The following NAV3 variants were observed in gnomAD, a reference collection of about 807,000 sequenced individuals.
The protein encoded by NAV3 is neuron navigator 3.
A neutral mutation model predicts 244.7 loss-of-function variants in NAV3; 87 were observed. That is an observed-to-expected ratio of 0.36 (90% CI 0.30 to 0.42). The LOEUF is 0.42. NAV3 is among the 20% of genes least tolerant of loss of function. The pLI, the probability that NAV3 is intolerant of heterozygous loss-of-function variation, is 1.00. For missense variants in NAV3, 2,663 were observed against 2,893.3 expected (o/e 0.92, Z 1.83); for synonymous variants, 1,126 against 1,042.2 (o/e 1.08, Z -1.55).
chr12:78,092,538 C>T (rs1010283730), intron 12 of NAV3, among the ~76,000 whole-genome samples: 1 of 114,662 alleles, frequency 8.7e-6, no homozygotes, highest in Non-Finnish European at 1.6e-5. Flanking sequence ...CTCGCTCTGT[C>T]GCCCAGGCTG....
chr12:77,863,174 A>G (rs969968697), intron 1 of NAV3, among the ~76,000 whole-genome samples: 5 of 151,894 alleles, frequency 3.3e-5, no homozygotes, highest in African/African-American at 1.2e-4. Context: ...CCAACTGTCC[A>G]AATATTACAG....
chr12:77,809,231 T>C (rs1300826668), intron 2 of NAV3, among the ~76,000 whole-genome samples: 3 of 152,134 alleles, frequency 2.0e-5, no homozygotes, highest in Non-Finnish European at 4.4e-5. Flanking sequence ...GAAAAAGAAA[T>C]TGCAGCTAGC....
At chr12:77,827,157 C>A (rs1282109294), upstream of NAV3, among the ~76,000 whole-genome samples, 1 of 148,432 alleles carries the variant, frequency 6.7e-6, no homozygotes, top group African/African-American at 2.5e-5. Context: ...CGCTTGAACC[C>A]GGGAGGCAGA....
At chr12:78,063,377 A>G (rs17223009) in intron 12 of NAV3, among the ~76,000 whole-genome samples, 14,827 of 152,168 alleles carry the variant, frequency 0.097, 897 homozygotes, top group South Asian at 0.2. Flanking sequence ...GTGTTGGGCT[A>G]TGTTTAAAGG....
Position 78,122,044 on chromosome 12 carries a change from A to G in NAV3, c.3854A>G (p.Gln1285Arg), listed in dbSNP as rs547286205. The G allele has an allele frequency of 1.2e-6, 2 of 1,614,204 alleles. No individual in the cohort carries two copies. Among genetic ancestry groups the G allele is most frequent in the Non-Finnish European group, 8.5e-7 (1 of 1,180,034 alleles). The change falls in exon 16 of 40, where the codon CAA becomes CGA. Residue 1285 changes from glutamine to arginine, a missense_variant. Coordinates refer to ENST00000397909, the MANE Select transcript of NAV3 (RefSeq NM_001024383.2). ...MPSPSTTLAR[Q>R]GSLESPSSGT... ...AGCCCTAGTACCACATTAGCGCGGC[A>G]AGGCAGTCTGGAGTCACCGTCGTCC...
intron 27 of NAV3, 23 bp from the exon 28 acceptor site, chr12:78,177,597 T>A (rs772457950): frequency 6.3e-7 from 1 of 1,590,460 alleles, no homozygotes; most frequent in Non-Finnish European, 8.5e-7. Context: ...TCCATGTATC[T>A]GTCTAACTGT....
At chr12:78,009,192 A>G (rs1874786519) in intron 8 of NAV3, among the ~76,000 whole-genome samples, 1 of 152,186 alleles carries the variant, frequency 6.6e-6, no homozygotes, top group Non-Finnish European at 1.5e-5. Flanking sequence ...GCAGCACAGC[A>G]GCACAGCTTA....
intron 9 of NAV3, among the ~76,000 whole-genome samples, chr12:78,022,790 A>T (rs945634183): frequency 5.3e-5 from 8 of 152,186 alleles, no homozygotes; most frequent in Non-Finnish European, 1.2e-4. Context: ...TTTGGCAAGC[A>T]TTAGACATGA....
At chr12:77,901,838 A>G (rs957278602) in intron 1 of NAV3, among the ~76,000 whole-genome samples, 1 of 152,074 alleles carries the variant, frequency 6.6e-6, no homozygotes, top group Non-Finnish European at 1.5e-5. Flanking sequence ...CTTCCTCATT[A>G]GTTTCTGTTT....
At chr12:77,695,135 T>G (rs1875235199) in intron 2 of NAV3, among the ~76,000 whole-genome samples, 1 of 152,226 alleles carries the variant, frequency 6.6e-6, no homozygotes, top group Non-Finnish European at 1.5e-5. Context: ...TATCCTTTGC[T>G]GTGCAGAAGC....
intron 2 of NAV3, among the ~76,000 whole-genome samples, chr12:77,805,939 C>T (rs1284293923): frequency 2.0e-5 from 3 of 152,130 alleles, no homozygotes; most frequent in Non-Finnish European, 4.4e-5. Flanking sequence ...TCTAGATTTT[C>T]TAGTTTATTT....
At chr12:77,660,717 C>T (rs1369907716) in intron 2 of NAV3, among the ~76,000 whole-genome samples, 2 of 152,026 alleles carry the variant, frequency 1.3e-5, no homozygotes, top group Non-Finnish European at 1.5e-5. Flanking sequence ...AATGTATCCA[C>T]CTTCACCAAA....
intron 1 of NAV3, among the ~76,000 whole-genome samples, chr12:77,881,980 T>C (rs1882705528): frequency 6.6e-6 from 1 of 152,102 alleles, no homozygotes; most frequent in Non-Finnish European, 1.5e-5. Flanking sequence ...GAATCAATAA[T>C]GTTAAGCTGG....
chr12:78,174,727 T>C (rs1958148046), intron 24 of NAV3, among the ~76,000 whole-genome samples: 1 of 151,958 alleles, frequency 6.6e-6, no homozygotes, highest in South Asian at 2.1e-4. Context: ...CTTTGGAGGA[T>C]CTGCCTTTCA....
At position 77,916,669 on chromosome 12, in the gene NAV3, C is replaced by A. The variant is rs116950886; in HGVS notation, c.244-23650C>A. Among the ~76,000 whole-genome samples the A allele has an allele frequency of 6.9e-3, 1,050 of 152,084 alleles. 6 individuals are homozygous for A. The highest frequency in any genetic ancestry group is 0.011 in the Non-Finnish European group (751 of 67,928). On this transcript the variant is annotated intron_variant, in intron 1 of 39. Transcript: ENST00000397909. ...CTCAAAGAAAAGGCATTTGCAAAGACACATTTGATTAAATGCACGTTTTTC... is the reference window on the plus strand; with the variant it reads ...CTCAAAGAAAAGGCATTTGCAAAGAAACATTTGATTAAATGCACGTTTTTC...
intron 2 of NAV3, among the ~76,000 whole-genome samples, chr12:77,656,841 C>G (rs1873132784): frequency 6.6e-6 from 1 of 151,900 alleles, no homozygotes; most frequent in Non-Finnish European, 1.5e-5. Context: ...AACTGAACAA[C>G]CTGCTCCTGA....
At position 77,748,029 on chromosome 12, in the gene NAV3, A is replaced by G. The variant is rs138494430; in HGVS notation, c.72+175763A>G. On this transcript the variant is annotated intron_variant, in intron 2 of 8. Coordinates refer to the NAV3 transcript ENST00000550042. ...GCACGTGTACCCTAAAACTTAAAGT[A>G]TAATAAAAAATAAAAATAAAAAAAA... Among the ~76,000 whole-genome samples, 839 of 152,300 alleles carry G rather than the reference A, an allele frequency of 5.5e-3. 7 individuals are homozygous for G. The highest frequency in any genetic ancestry group is 0.018 in the African/African-American group (729 of 41,554).
At chr12:78,118,576 T>C (rs1955526240) in intron 14 of NAV3, among the ~76,000 whole-genome samples, 1 of 152,116 alleles carries the variant, frequency 6.6e-6, no homozygotes, top group Admixed American at 6.5e-5. Context: ...AATGGGGAAA[T>C]AAGATTAGGT....
intron 1 of NAV3, among the ~76,000 whole-genome samples, chr12:77,838,041 C>A (rs1037166753): frequency 6.6e-6 from 1 of 152,198 alleles, no homozygotes; most frequent in Admixed American, 6.5e-5. Context: ...GCTGGCCAGG[C>A]CTACAGCTGC....
Sources: allele counts gnomAD v4.1 joint callset (sites outside exome capture counted in the v4.1 genomes callset), GRCh38; gene constraint gnomAD v4.1.1; transcripts MANE v1.5; gene names NCBI Gene and HGNC (gene_info 2026-07-23, HGNC 2026-07-21).